The following EML6 variants were observed in gnomAD, a reference collection of about 807,000 sequenced individuals.
The protein encoded by EML6 is EMAP like 6.
In EML6, 154 loss-of-function variants were observed where a neutral mutation model predicts 240.1. The ratio of observed to expected loss-of-function variants is 0.64; its 90% CI spans 0.56 to 0.73. The LOEUF is 0.73. Ranked by LOEUF, EML6 falls within the 30% of genes least tolerant of loss-of-function variation. EML6 has a pLI of 0.00. For synonymous variants in EML6, 1,148 were observed against 899.0 expected (o/e 1.28, Z -4.95); for missense variants, 2,964 against 2,474.6 (o/e 1.20, Z -4.20).
intron 2 of EML6, among the ~76,000 whole-genome samples, chr2:54,739,502 C>T (rs972492387): frequency 6.6e-6 from 1 of 152,214 alleles, no homozygotes; most frequent in African/African-American, 2.4e-5. Context: ...GGTTAAGAAA[C>T]CCTTAAGGAA....
chr2:54,935,034 T>C (rs904908421), intron 28 of EML6, among the ~76,000 whole-genome samples: 1 of 152,194 alleles, frequency 6.6e-6, no homozygotes, highest in African/African-American at 2.4e-5. Context: ...TAAAGTATAG[T>C]TTATATTATT....
chr2:54,895,207 A>C, intron 20 of EML6, 66 bp from the exon 21 acceptor site: 1 of 1,515,460 alleles, frequency 6.6e-7, no homozygotes, highest in Non-Finnish European at 8.9e-7. Flanking sequence ...GAGCTATAAA[A>C]ATTGAATTTA....
At chr2:54,938,454 T>A (rs1336720862) in intron 28 of EML6, among the ~76,000 whole-genome samples, 1 of 152,222 alleles carries the variant, frequency 6.6e-6, no homozygotes, top group East Asian at 1.9e-4. Context: ...CATACAGCCA[T>A]GCTTATTGGC....
At position 54,853,790 on chromosome 2, in the gene EML6, C is replaced by T. The variant is rs763097253; in HGVS notation, c.1592C>T (p.Ser531Leu). Residue 531 changes from serine (S) to leucine (L), a missense_variant, in exon 11 of 42, where the codon TCA becomes TTA. Ser to Leu is a moderately radical substitution (Grantham distance 145). Coordinates refer to ENST00000356458, the MANE Select transcript of EML6 (RefSeq NM_001039753.4). Reference protein sequence around the residue: ...INSVDANYNSSVLVSGDDFGL... With the variant: ...INSVDANYNSLVLVSGDDFGL... ...TCAGTGGATGCGAATTACAACAGCT[C>T]AGTGCTGGTGTCTGGAGATGATTTT... The T allele has an allele frequency of 1.9e-6, 3 of 1,551,588 alleles. No individual in the cohort carries two copies. Among genetic ancestry groups the T allele is most frequent in the East Asian group, 4.9e-5 (2 of 40,908 alleles).
At chr2:54,745,923 G>C (rs1453213846) in intron 2 of EML6, among the ~76,000 whole-genome samples, 1 of 152,186 alleles carries the variant, frequency 6.6e-6, no homozygotes, top group Non-Finnish European at 1.5e-5. Context: ...TAAACCAAGG[G>C]AGGAGCAAAA....
At chr2:54,846,685 T>C (rs1669776644) in intron 8 of EML6, among the ~76,000 whole-genome samples, 1 of 152,080 alleles carries the variant, frequency 6.6e-6, no homozygotes. Flanking sequence ...AGTCTCACCA[T>C]GTTGCTCAGG....
At chr2:54,769,079 A>G (rs1287899504) in intron 2 of EML6, among the ~76,000 whole-genome samples, 1 of 152,218 alleles carries the variant, frequency 6.6e-6, no homozygotes, top group Non-Finnish European at 1.5e-5. Context: ...TGATTAATCA[A>G]AATACAATGT....
chr2:54,959,765 A>G (rs1018276812), intron 34 of EML6, among the ~76,000 whole-genome samples: 13 of 152,128 alleles, frequency 8.5e-5, no homozygotes, highest in African/African-American at 3.1e-4. Flanking sequence ...TCCATCTCAA[A>G]ATAAATTAAT....
intron 30 of EML6, 57 bp downstream of exon 30, chr2:54,950,836 C>T (rs976950621): frequency 6.6e-7 from 1 of 1,514,666 alleles, no homozygotes; most frequent in South Asian, 1.3e-5. Context: ...ACATGCTTTC[C>T]CCACTCTTTA....
At chr2:54,806,510 T>G (rs979311190) in intron 2 of EML6, among the ~76,000 whole-genome samples, 2 of 148,636 alleles carry the variant, frequency 1.3e-5, no homozygotes, top group Non-Finnish European at 3.0e-5. Context: ...CTACTCGGGA[T>G]GCTGAGGCAG....
At chr2:54,869,435 T>A (rs781033280) in intron 15 of EML6, 68 bp downstream of exon 15, 204 of 1,219,764 alleles carry the variant, frequency 1.7e-4, no homozygotes, top group Middle Eastern at 2.0e-4. Context: ...AGTTTACATA[T>A]TAGAAATTCA....
At chr2:54,913,306 G>A (rs1048892979) in intron 25 of EML6, among the ~76,000 whole-genome samples, 5 of 151,328 alleles carry the variant, frequency 3.3e-5, no homozygotes, top group African/African-American at 4.9e-5. Flanking sequence ...GGAGTGTAGC[G>A]GTACCATCAC....
chr2:54,775,300 AC>A (rs1668554485), intron 2 of EML6, among the ~76,000 whole-genome samples: 1 of 152,004 alleles, frequency 6.6e-6, no homozygotes. Context: ...CACTTCTCTG[AC>A]CCCATTTCTG....
At chr2:54,847,285 T>G (rs182993529) in intron 8 of EML6, among the ~76,000 whole-genome samples, 4 of 152,264 alleles carry the variant, frequency 2.6e-5, no homozygotes, top group Non-Finnish European at 1.5e-5. Flanking sequence ...GCTGGTTTCC[T>G]TCAAATCATG....
At position 54,741,996 on chromosome 2, in the gene EML6, A is replaced by G. The variant is rs562428795; in HGVS notation, c.197+16738A>G. 2.0e-5 allele frequency among the ~76,000 whole-genome samples: 3 copies of G among 152,220 alleles called. 1 individual carries two copies. Among genetic ancestry groups the G allele is most frequent in the Admixed American group, 2.0e-4 (3 of 15,284 alleles). On this transcript the variant is annotated intron_variant, in intron 2 of 41. Coordinates refer to ENST00000356458, the MANE Select transcript of EML6 (RefSeq NM_001039753.4). ...TTAATATTTACAAAGGACAAACAATAAGTACAGTGGAGAAACCTGGCAACC... is the reference window on the plus strand; with the variant it reads ...TTAATATTTACAAAGGACAAACAATGAGTACAGTGGAGAAACCTGGCAACC...
At chr2:54,904,620 A>G (rs937996763) in intron 24 of EML6, among the ~76,000 whole-genome samples, 3 of 152,216 alleles carry the variant, frequency 2.0e-5, no homozygotes, top group Admixed American at 6.5e-5. Context: ...TGATGAAGAA[A>G]TAGAAGTGCT....
At chr2:54,840,196 G>C (rs992813231) in intron 7 of EML6, among the ~76,000 whole-genome samples, 1 of 152,190 alleles carries the variant, frequency 6.6e-6, no homozygotes, top group Non-Finnish European at 1.5e-5. Context: ...GCCTTGAGAG[G>C]CCAGACATGC....
At chr2:54,809,640 G>A (rs1412841643) in intron 2 of EML6, among the ~76,000 whole-genome samples, 1 of 152,096 alleles carries the variant, frequency 6.6e-6, no homozygotes, top group Non-Finnish European at 1.5e-5. Flanking sequence ...ATACTTCCCT[G>A]TCATTTAAAA....
chr2:54,892,469 C>T lies in EML6; in HGVS notation c.2555C>T (p.Ser852Phe). 6.4e-7 allele frequency: 1 copy of T among 1,551,208 alleles called. No individual in the cohort carries two copies. The highest frequency in any genetic ancestry group is 8.7e-7 in the Non-Finnish European group (1 of 1,146,640). The stretch of plus-strand genomic sequence containing the variant: ...TCCACTCTAGGTGGGGGCTTCACTT[C>T]TAAAAGAGGAACTTTTGGAAGCGTT... ...FWQQAGGGFT[S>F]KRGTFGSVGK... The change falls in exon 19 of 42, where the codon TCT becomes TTT. Residue 852 changes from serine to phenylalanine, a missense_variant. Transcript: ENST00000356458.
Sources: gnomAD v4.1 joint callset for allele counts (sites outside exome capture counted in the v4.1 genomes callset) on GRCh38, gnomAD v4.1.1 for gene constraint, MANE v1.5 for transcripts, NCBI Gene and HGNC (gene_info 2026-07-23, HGNC 2026-07-21) for gene names.